The following RNLS variants were observed in gnomAD, a reference collection of about 807,000 sequenced individuals.
RNLS encodes renalase.
In RNLS, 39 loss-of-function variants were observed where a neutral mutation model predicts 39.8. The observed-to-expected ratio is 0.98, with a 90% CI of 0.76 to 1.28. The LOEUF (loss-of-function observed/expected upper bound fraction) is 1.28. Ranked by LOEUF, RNLS falls within the 50% of genes most tolerant of loss-of-function variation. The pLI is 0.00. For missense variants in RNLS, 410 were observed against 413.3 expected (o/e 0.99, Z 0.07); for synonymous variants, 147 against 150.7 (o/e 0.98, Z 0.18).
At chr10:88,412,403 T>C (rs12773657) in intron 4 of RNLS, among the ~76,000 whole-genome samples, 1 of 151,968 alleles carries the variant, frequency 6.6e-6, no homozygotes, top group Non-Finnish European at 1.5e-5. Flanking sequence ...GTTAAGTAAT[T>C]TGCTCAGGTT....
At chr10:88,406,648 A>G (rs1853293737) in intron 4 of RNLS, among the ~76,000 whole-genome samples, 1 of 151,816 alleles carries the variant, frequency 6.6e-6, no homozygotes, top group Admixed American at 6.6e-5. Flanking sequence ...CAGTGTGGAG[A>G]CTCCTTAAAG....
intron 4 of RNLS, among the ~76,000 whole-genome samples, chr10:88,416,817 AATGCAGTTGCTGAATGAC>A (rs1854060839): frequency 6.6e-6 from 1 of 152,198 alleles, no homozygotes; most frequent in Non-Finnish European, 1.5e-5. Flanking sequence ...TTTTTATGGC[AATGCAGTTGCTGAATGAC>A]TGACTGAATT....
intron 4 of RNLS, among the ~76,000 whole-genome samples, chr10:88,495,830 G>T (rs1845141222): frequency 6.6e-6 from 1 of 152,122 alleles, no homozygotes; most frequent in Non-Finnish European, 1.5e-5. Context: ...GCGAATTTAG[G>T]AATATGCATC....
At chr10:88,240,561 G>A in the RNLS span, among the ~76,000 whole-genome samples, 1 of 151,856 alleles carries the variant, frequency 6.6e-6, no homozygotes, top group Admixed American at 6.6e-5. Context: ...CAGCCACCTC[G>A]TCTAGAAAGC....
intron 5 of RNLS, among the ~76,000 whole-genome samples, chr10:88,327,498 C>A (rs1448735002): frequency 6.6e-6 from 1 of 152,200 alleles, no homozygotes; most frequent in East Asian, 1.9e-4. Context: ...GGTTGCTTCC[C>A]CTTTGCCTTC....
chr10:88,196,955 G>T, the RNLS span, among the ~76,000 whole-genome samples: 3 of 152,126 alleles, frequency 2.0e-5, no homozygotes, highest in African/African-American at 7.2e-5. Context: ...CTATACATTG[G>T]ATACAGTGAC....
intron 4 of RNLS, among the ~76,000 whole-genome samples, chr10:88,368,371 C>T (rs1296727116): frequency 6.6e-6 from 1 of 152,056 alleles, no homozygotes; most frequent in African/African-American, 2.4e-5. Context: ...CTTTGTATGT[C>T]CAGGTCCCAG....
At chr10:88,180,145 C>T in the RNLS span, among the ~76,000 whole-genome samples, 43 of 152,254 alleles carry the variant, frequency 2.8e-4, no homozygotes, top group South Asian at 3.3e-3. Flanking sequence ...CAAATTGTTT[C>T]GTTTATAAGA....
At chr10:88,289,789 G>A (rs1318637135) in intron 6 of RNLS, among the ~76,000 whole-genome samples, 1 of 152,140 alleles carries the variant, frequency 6.6e-6, no homozygotes, top group Admixed American at 6.6e-5. Flanking sequence ...TTATTCAGAG[G>A]CTCCCCATAT....
At chr10:88,192,989 C>T in the RNLS span, among the ~76,000 whole-genome samples, 11 of 152,186 alleles carry the variant, frequency 7.2e-5, no homozygotes, top group Non-Finnish European at 1.6e-4. Context: ...AACCTACCTC[C>T]ACTCATTCCT....
chr10:88,553,759 T>C (rs1325698378), intron 4 of RNLS, among the ~76,000 whole-genome samples: 1 of 152,178 alleles, frequency 6.6e-6, no homozygotes, highest in Non-Finnish European at 1.5e-5. Context: ...TCTTTAAATA[T>C]ATTAGTTCAA....
rs1191136983 is a variant in RNLS, at chr10:88,419,029, C to T, written c.527-56304G>A. On this transcript the variant is annotated intron_variant, in intron 4 of 6. Transcript: ENST00000331772. The stretch of plus-strand genomic sequence containing the variant: ...CCTGAAAGGTGAGCCCCAATTTGCG[C>T]AGAGTTGCTTAACCACTCCACTGGC... 2.6e-5 allele frequency among the ~76,000 whole-genome samples: 4 copies of T among 152,160 alleles called. No homozygotes were observed. The East Asian group carries it at 7.7e-4, about 29-fold the overall frequency.
intron 4 of RNLS, among the ~76,000 whole-genome samples, chr10:88,492,700 T>G (rs1844957302): frequency 6.6e-6 from 1 of 152,164 alleles, no homozygotes; most frequent in African/African-American, 2.4e-5. Context: ...ATTACAGGTG[T>G]GAGCCACTGC....
chr10:88,237,710 A>C, the RNLS span, among the ~76,000 whole-genome samples: 1 of 152,208 alleles, frequency 6.6e-6, no homozygotes, highest in Non-Finnish European at 1.5e-5. Context: ...GGCACAAATA[A>C]GGCTGTATTT....
intron 4 of RNLS, among the ~76,000 whole-genome samples, chr10:88,478,300 A>G (rs1278348819): frequency 6.6e-6 from 1 of 152,018 alleles, no homozygotes; most frequent in Non-Finnish European, 1.5e-5. Context: ...TATTCCTTCT[A>G]TCCAGTTAGT....
intron 4 of RNLS, among the ~76,000 whole-genome samples, chr10:88,437,336 C>T (rs1204062576): frequency 6.6e-6 from 1 of 151,946 alleles, no homozygotes; most frequent in Non-Finnish European, 1.5e-5. Flanking sequence ...CATTTAATGC[C>T]CCAAATAGAT....
chr10:88,197,214 G>A, the RNLS span, among the ~76,000 whole-genome samples: 4 of 152,204 alleles, frequency 2.6e-5, no homozygotes, highest in Non-Finnish European at 4.4e-5. Flanking sequence ...AGAGTTGGTA[G>A]AGAGAATAAA....
At chr10:88,556,200 C>A (rs952139387) in intron 4 of RNLS, among the ~76,000 whole-genome samples, 10 of 152,130 alleles carry the variant, frequency 6.6e-5, no homozygotes, top group Non-Finnish European at 1.3e-4. Flanking sequence ...ACTCTGGAAA[C>A]CACTGTCACA....
At chr10:88,519,647 A>G (rs1846600276) in intron 4 of RNLS, among the ~76,000 whole-genome samples, 1 of 150,982 alleles carries the variant, frequency 6.6e-6, no homozygotes, top group Non-Finnish European at 1.5e-5. Context: ...TGGATCCCCA[A>G]GGGTTATCTT....
Sources: gnomAD v4.1 joint callset for allele counts (sites outside exome capture counted in the v4.1 genomes callset) on GRCh38, gnomAD v4.1.1 for gene constraint, MANE v1.5 for transcripts, NCBI Gene and HGNC (gene_info 2026-07-23, HGNC 2026-07-21) for gene names.